CSMD1: variants seen among roughly 807,000 people sequenced by gnomAD.
CSMD1 encodes CUB and sushi domain-containing protein 1.
Under a neutral mutation model 417.5 loss-of-function variants are expected in CSMD1, and 213 were observed. The observed-to-expected ratio is 0.51, with a 90% CI of 0.46 to 0.57. The LOEUF is 0.57. Ranked by LOEUF, CSMD1 falls within the 20% of genes least tolerant of loss-of-function variation. The pLI is 0.00. For synonymous variants in CSMD1, 2,862 were observed against 1,736.8 expected, an observed-to-expected ratio of 1.65 and a Z score of -16.11; for missense variants, 6,923 against 4,529.7, an observed-to-expected ratio of 1.53 and a Z score of -15.17.
chr8:4,689,754 C>A (rs2116756683), intron 1 of CSMD1, among the ~76,000 whole-genome samples: 1 of 152,232 alleles, frequency 6.6e-6, no homozygotes, highest in East Asian at 1.9e-4. Flanking sequence ...TACCTGATGA[C>A]CTCTTCTATT....
In CSMD1 at chr8:4,539,039, T is replaced by C. The variant is rs199683707; in HGVS notation, c.302+98303A>G. On this transcript the variant is annotated intron_variant, in intron 2 of 69. Coordinates refer to ENST00000635120, the MANE Select transcript of CSMD1 (RefSeq NM_033225.6). ...CTTGTCAGGCAACGTTATCCTCCAT[T>C]GCCAGTGTTAGGTGCCAGAAAAATG... Among the ~76,000 whole-genome samples the C allele has an allele frequency of 3.9e-5, 6 of 152,354 alleles. No individual in the cohort carries two copies. The East Asian group carries it at 9.6e-4, about 24-fold the overall frequency.
At chr8:3,006,272 AG>A (rs1807893648) in intron 52 of CSMD1, among the ~76,000 whole-genome samples, 1 of 151,742 alleles carries the variant, frequency 6.6e-6, no homozygotes, top group South Asian at 2.1e-4. Context: ...GAAATAAAAG[AG>A]GATACAAACA....
intron 15 of CSMD1, among the ~76,000 whole-genome samples, chr8:3,405,442 G>A (rs966245913): frequency 6.6e-6 from 1 of 152,124 alleles, no homozygotes. Context: ...TATGTCGGCT[G>A]TAACAAGAAC....
chr8:2,974,144 A>G (rs1454178188), intron 56 of CSMD1, among the ~76,000 whole-genome samples: 2 of 152,090 alleles, frequency 1.3e-5, no homozygotes, highest in African/African-American at 2.4e-5. Flanking sequence ...TTAACCACAT[A>G]AAAAAGAATA....
At chr8:3,086,406 A>T (rs1200641133) in intron 49 of CSMD1, among the ~76,000 whole-genome samples, 1 of 152,184 alleles carries the variant, frequency 6.6e-6, no homozygotes, top group Non-Finnish European at 1.5e-5. Flanking sequence ...CTCACAAAGC[A>T]ATACCAGAAA....
At chr8:4,565,809 T>A (rs1385306061) in intron 2 of CSMD1, among the ~76,000 whole-genome samples, 1 of 138,788 alleles carries the variant, frequency 7.2e-6, no homozygotes, top group Non-Finnish European at 1.5e-5. Context: ...TATACATATA[T>A]ATATTATATA....
At chr8:4,415,479 G>A (rs1043383434) in intron 3 of CSMD1, among the ~76,000 whole-genome samples, 2 of 152,076 alleles carry the variant, frequency 1.3e-5, no homozygotes, top group Non-Finnish European at 2.9e-5. Context: ...CTCTGTGATG[G>A]CCTCTACATG....
chr8:3,249,477 G>T (rs987923852), intron 26 of CSMD1, among the ~76,000 whole-genome samples: 1 of 152,104 alleles, frequency 6.6e-6, no homozygotes, highest in Non-Finnish European at 1.5e-5. Context: ...GCCCACCTTG[G>T]CCTCCCAAAA....
intron 49 of CSMD1, among the ~76,000 whole-genome samples, chr8:3,076,211 G>C (rs12674703): frequency 1.3e-5 from 2 of 151,526 alleles, no homozygotes; most frequent in East Asian, 3.9e-4. Flanking sequence ...GTGTCGGCGG[G>C]GCTGGTTCTG....
At chr8:3,222,326 T>C (rs1330472470) in intron 28 of CSMD1, among the ~76,000 whole-genome samples, 44 of 151,974 alleles carry the variant, frequency 2.9e-4, no homozygotes. Context: ...ATTTCATTTT[T>C]TTTTTTAAAG....
intron 1 of CSMD1, among the ~76,000 whole-genome samples, chr8:4,970,030 A>C (rs1810138900): frequency 6.6e-6 from 1 of 152,170 alleles, no homozygotes; most frequent in South Asian, 2.1e-4. Context: ...TAAAAATTGA[A>C]ATGCAAATGA....
chr8:4,539,722 G>C (rs1797287880), intron 2 of CSMD1, among the ~76,000 whole-genome samples: 2 of 152,144 alleles, frequency 1.3e-5, no homozygotes, highest in African/African-American at 2.4e-5. Flanking sequence ...TTGAATTATT[G>C]TGATTTTACG....
chr8:4,218,215 T>C (rs1001873621), intron 3 of CSMD1, among the ~76,000 whole-genome samples: 3 of 152,184 alleles, frequency 2.0e-5, no homozygotes, highest in Non-Finnish European at 2.9e-5. Flanking sequence ...ACTTTGCTCA[T>C]TTCATTTTAT....
chr8:4,231,535 G>C (rs926382069), intron 3 of CSMD1, among the ~76,000 whole-genome samples: 3 of 151,336 alleles, frequency 2.0e-5, no homozygotes, highest in Middle Eastern at 3.4e-3. Context: ...TTTTTTTTTG[G>C]TGTTAAAGGC....
intron 7 of CSMD1, among the ~76,000 whole-genome samples, chr8:3,657,170 T>C (rs946847504): frequency 6.6e-6 from 1 of 152,146 alleles, no homozygotes; most frequent in African/African-American, 2.4e-5. Context: ...TAAATTTACA[T>C]CCTACAGGAA....
At chr8:3,875,120 T>G (rs78762248) in intron 5 of CSMD1, among the ~76,000 whole-genome samples, 1 of 138,414 alleles carries the variant, frequency 7.2e-6, no homozygotes, top group East Asian at 2.3e-4. Context: ...CAGGAACACA[T>G]TGTGGGGTTT....
chr8:4,310,825 A>G (rs1798520968), intron 3 of CSMD1, among the ~76,000 whole-genome samples: 1 of 152,216 alleles, frequency 6.6e-6, no homozygotes, highest in South Asian at 2.1e-4. Context: ...TGCTTATTTC[A>G]GCAGCAAGAC....
At chr8:3,843,497 C>G (rs1048593637) in intron 5 of CSMD1, among the ~76,000 whole-genome samples, 3 of 151,648 alleles carry the variant, frequency 2.0e-5, no homozygotes, top group African/African-American at 4.8e-5. Context: ...GTACATGAAA[C>G]ATGAGACAGA....
At chr8:4,403,021 C>T (rs577487635) in intron 3 of CSMD1, among the ~76,000 whole-genome samples, 10 of 151,618 alleles carry the variant, frequency 6.6e-5, no homozygotes, top group Non-Finnish European at 1.0e-4. Flanking sequence ...TTAGTGGAGA[C>T]GGGGTTTCAC....
Sources: gnomAD v4.1 joint callset for allele counts (sites outside exome capture counted in the v4.1 genomes callset) on GRCh38, gnomAD v4.1.1 for gene constraint, MANE v1.5 for transcripts, NCBI Gene and HGNC (gene_info 2026-07-23, HGNC 2026-07-21) for gene names.